Variants in CARMIL1 observed in about 807,000 individuals in gnomAD.
CARMIL1 encodes capping protein regulator and myosin 1 linker 1.
In CARMIL1, 90 loss-of-function variants were observed where a neutral mutation model predicts 177.1. That is an observed-to-expected ratio of 0.51 (90% CI 0.43 to 0.61). The LOEUF is 0.61. Among genes scored for constraint, CARMIL1 ranks in the 20% least tolerant of loss-of-function variants. CARMIL1 has a pLI of 0.00. For synonymous variants in CARMIL1, 577 were observed against 606.2 expected, an observed-to-expected ratio of 0.95 and a Z score of 0.71; for missense variants, 1,380 against 1,667.0, an observed-to-expected ratio of 0.83 and a Z score of 3.00.
chr6:25,389,941 T>C (rs1169658162), intron 2 of CARMIL1, among the ~76,000 whole-genome samples: 3 of 152,218 alleles, frequency 2.0e-5, no homozygotes, highest in Non-Finnish European at 2.9e-5. Flanking sequence ...TTATACATTA[T>C]GAACTAATCA....
intron 2 of CARMIL1, among the ~76,000 whole-genome samples, chr6:25,379,850 T>C (rs1791355529): frequency 2.0e-5 from 3 of 152,234 alleles, no homozygotes; most frequent in African/African-American, 7.2e-5. Context: ...ACTCATTTTG[T>C]TAAATACCAC....
chr6:25,431,561 A>T (rs996003488), intron 4 of CARMIL1, among the ~76,000 whole-genome samples: 3 of 129,102 alleles, frequency 2.3e-5, no homozygotes, highest in African/African-American at 8.8e-5. Flanking sequence ...GGTGGTCTTA[A>T]TTCAGGAATG....
At chr6:25,440,151 G>A (rs911400081) in intron 5 of CARMIL1, among the ~76,000 whole-genome samples, 1 of 152,144 alleles carries the variant, frequency 6.6e-6, no homozygotes, top group African/African-American at 2.4e-5. Context: ...TGTACCATGG[G>A]GCATAGAGAA....
intron 36 of CARMIL1, among the ~76,000 whole-genome samples, chr6:25,619,221 T>G (rs994738672): frequency 3.9e-5 from 6 of 152,184 alleles, no homozygotes; most frequent in Non-Finnish European, 7.4e-5. Context: ...CACCCTGTCA[T>G]AGACTGTTTT....
chr6:25,533,251 G>T (rs1443056207), intron 24 of CARMIL1, among the ~76,000 whole-genome samples: 1 of 152,090 alleles, frequency 6.6e-6, no homozygotes, highest in East Asian at 1.9e-4. Context: ...GTCACAATGT[G>T]CAGGGGCCTT....
chr6:25,492,942 T>C (rs1169345437), intron 15 of CARMIL1, among the ~76,000 whole-genome samples: 3 of 152,170 alleles, frequency 2.0e-5, no homozygotes, highest in East Asian at 3.8e-4. Context: ...AGATTAAAGT[T>C]AGAGAGTGTG....
intron 22 of CARMIL1, 92 bp from the exon 23 acceptor site, chr6:25,520,152 A>G (rs1178938854): frequency 1.6e-6 from 1 of 627,352 alleles, no homozygotes; most frequent in Non-Finnish European, 2.8e-6. Flanking sequence ...CTACTCTTGC[A>G]GCTATCCTTT....
intron 23 of CARMIL1, among the ~76,000 whole-genome samples, chr6:25,522,900 C>T (rs982494712): frequency 6.6e-6 from 1 of 152,134 alleles, no homozygotes; most frequent in Non-Finnish European, 1.5e-5. Flanking sequence ...GCCTCAACCA[C>T]CTGTGCTCAA....
intron 6 of CARMIL1, 144 bp downstream of exon 6, chr6:25,450,139 G>C (rs747054751): frequency 4.7e-5 from 36 of 765,534 alleles, no homozygotes; most frequent in Non-Finnish European, 6.3e-5. Context: ...TAGATTGGTG[G>C]ACAAAAGTCC....
chr6:25,458,169 G>C (rs1799704214), intron 8 of CARMIL1, among the ~76,000 whole-genome samples: 1 of 152,112 alleles, frequency 6.6e-6, no homozygotes, highest in South Asian at 2.1e-4. Context: ...AATTTGGCAA[G>C]AGATCTAGAC....
chr6:25,470,648 A>G (rs1206890596), intron 9 of CARMIL1, among the ~76,000 whole-genome samples: 1 of 152,208 alleles, frequency 6.6e-6, no homozygotes, highest in Non-Finnish European at 1.5e-5. Context: ...TTCTTGAGGC[A>G]GAGAAGTCCA....
chr6:25,574,338 C>A (rs1403352360), intron 29 of CARMIL1, among the ~76,000 whole-genome samples: 1 of 152,188 alleles, frequency 6.6e-6, no homozygotes, highest in Non-Finnish European at 1.5e-5. Context: ...GAAGAGCCAC[C>A]TGTTAACATG....
intron 26 of CARMIL1, among the ~76,000 whole-genome samples, chr6:25,542,975 C>A (rs1011595675): frequency 6.6e-6 from 1 of 152,176 alleles, no homozygotes; most frequent in Non-Finnish European, 1.5e-5. Context: ...CTGTTTCCCA[C>A]ATTCTCTAAA....
rs575966571 is a variant in CARMIL1 at position 25,463,562 on chromosome 6, T to C, written c.615-2311T>C. On this transcript the variant is annotated intron_variant, in intron 8 of 36. Coordinates refer to ENST00000329474, the MANE Select transcript of CARMIL1 (RefSeq NM_017640.6). Reference sequence around the variant, plus strand: ...CACAAAAAGTGGTTCTGAAGTGTGGTCACTCCTTGACATTAAATCCACAAA... The same window carrying C: ...CACAAAAAGTGGTTCTGAAGTGTGGCCACTCCTTGACATTAAATCCACAAA... Among the ~76,000 whole-genome samples the C allele has an allele frequency of 4.6e-4, 70 of 152,266 alleles. 1 individual carries two copies. Among genetic ancestry groups the C allele is most frequent in the Admixed American group, 1.4e-3 (22 of 15,298 alleles).
chr6:25,542,202 T>G (rs1011596753), intron 26 of CARMIL1, among the ~76,000 whole-genome samples: 2 of 152,246 alleles, frequency 1.3e-5, no homozygotes, highest in African/African-American at 4.8e-5. Flanking sequence ...TCAGCTGGTC[T>G]AAACGACAAA....
chr6:25,323,322 G>C (rs976656222), intron 2 of CARMIL1, among the ~76,000 whole-genome samples: 1 of 150,660 alleles, frequency 6.6e-6, no homozygotes, highest in Non-Finnish European at 1.5e-5. Flanking sequence ...AGTGGCTCAC[G>C]CCTGTAATCC....
intron 31 of CARMIL1, among the ~76,000 whole-genome samples, chr6:25,590,944 A>G (rs1440893375): frequency 6.6e-6 from 1 of 151,432 alleles, no homozygotes; most frequent in African/African-American, 2.4e-5. Context: ...CTTTTATTAT[A>G]TTTTCTTCAT....
rs1018103955 is a variant in CARMIL1, at chr6:25,359,061, G to A, written c.139-61053G>A. 1.4e-4 allele frequency among the ~76,000 whole-genome samples: 21 copies of A among 152,238 alleles called. No individual in the cohort carries two copies. In the East Asian group the frequency reaches 2.5e-3, roughly 18 times the overall value. ...GTGCATTTATTATTGGGATCACAGC[G>A]TGTCTTTTTTCTGCCAAGATGGACA... On this transcript the variant is annotated intron_variant, in intron 2 of 36. Coordinates refer to ENST00000329474, the MANE Select transcript of CARMIL1 (RefSeq NM_017640.6).
At chr6:25,483,611 T>C (rs1288185327) in intron 12 of CARMIL1, among the ~76,000 whole-genome samples, 4 of 147,136 alleles carry the variant, frequency 2.7e-5, no homozygotes, top group East Asian at 2.0e-4. Flanking sequence ...GGAGCAACCT[T>C]AGTGTCCTTA....
Sources: gnomAD v4.1 joint callset for allele counts (sites outside exome capture counted in the v4.1 genomes callset) on GRCh38, gnomAD v4.1.1 for gene constraint, MANE v1.5 for transcripts, NCBI Gene and HGNC (gene_info 2026-07-23, HGNC 2026-07-21) for gene names.